Variants in CPNE9 observed in about 807,000 individuals in gnomAD.
CPNE9 encodes copine-9.
In CPNE9, 59 loss-of-function variants were observed where a neutral mutation model predicts 83.0. The observed-to-expected ratio is 0.71, with a 90% CI of 0.58 to 0.88. CPNE9 has a LOEUF of 0.88. Among genes scored for constraint, CPNE9 ranks in the 40% least tolerant of loss-of-function variants. The pLI, the probability that CPNE9 is intolerant of heterozygous loss-of-function variation, is 0.00. For synonymous variants in CPNE9, 256 were observed against 273.4 expected (o/e 0.94, Z 0.63); for missense variants, 619 against 720.8 (o/e 0.86, Z 1.62).
rs778431082 is a variant in CPNE9, at chr3:9,727,180, C to A, written c.1470C>A (p.Ile490=). The A allele has an allele frequency of 7.4e-6, 12 of 1,614,092 alleles. No individual in the cohort carries two copies. The highest frequency in any genetic ancestry group is 3.4e-6 in the Non-Finnish European group (4 of 1,180,028). ...GGGGACGCTACGCAGAGCGGGACAT[C>A]GTTCAGGTAGACCTGACGTGGGAGA... ...SSRGRYAERD[I]VQFVPFRDYV... is the part of the protein sequence containing the mutation. The change falls in exon 20 of 21, where the codon ATC becomes ATA. Residue 490 remains isoleucine (I), a synonymous_variant. Transcript: ENST00000383832.
chr3:9,716,587 C>T (rs916548783), intron 14 of CPNE9, among the ~76,000 whole-genome samples: 4 of 152,144 alleles, frequency 2.6e-5, no homozygotes, highest in African/African-American at 4.8e-5. Flanking sequence ...TCTCCTGCCT[C>T]AGCCTCCCAA....
At chr3:9,711,209 A>G (rs1235777422) in intron 7 of CPNE9, among the ~76,000 whole-genome samples, 1 of 151,910 alleles carries the variant, frequency 6.6e-6, no homozygotes, top group Non-Finnish European at 1.5e-5. Flanking sequence ...CGAATTATTT[A>G]TTTATTTTTT....
intron 7 of CPNE9, among the ~76,000 whole-genome samples, chr3:9,709,092 A>G (rs1303984514): frequency 1.3e-5 from 2 of 150,600 alleles, no homozygotes; most frequent in African/African-American, 2.4e-5. Flanking sequence ...TGGCCAAAAT[A>G]GTGAAATCCC....
At chr3:9,729,333 A>G (rs954977607) in intron 20 of CPNE9, among the ~76,000 whole-genome samples, 174 bp from the exon 21 acceptor site, 18 of 152,078 alleles carry the variant, frequency 1.2e-4, no homozygotes, top group African/African-American at 4.3e-4. Context: ...TAAAAGGTGG[A>G]AAAAAAAGTG....
intron 14 of CPNE9, among the ~76,000 whole-genome samples, chr3:9,716,595 C>G (rs1430830841): frequency 2.6e-5 from 4 of 152,112 alleles, no homozygotes; most frequent in Non-Finnish European, 5.9e-5. Flanking sequence ...CTCAGCCTCC[C>G]AAGTAGCTGG....
At chr3:9,726,491 G>C (rs1178903444) in intron 18 of CPNE9, among the ~76,000 whole-genome samples, 174 bp from the exon 19 acceptor site, 4 of 152,070 alleles carry the variant, frequency 2.6e-5, no homozygotes, top group Non-Finnish European at 5.9e-5. Context: ...ATCTTTCAAG[G>C]CTGCTTGATA....
chr3:9,704,212 T>A lies in CPNE9; in HGVS notation c.68+148T>A. ...AGCTGATGACAGGGCGAGTAGCTGG[T>A]GGGATCGAGAAGCGGGGGGTCTTGG... On this transcript the variant is annotated intron_variant, in intron 1 of 20. Coordinates refer to ENST00000383832, the MANE Select transcript of CPNE9 (RefSeq NM_153635.3). This position sits in a 1 kb window ranked among gnomAD's most constrained non-coding sequence, Gnocchi z 7.1. The A allele has an allele frequency of 1.3e-6, 1 of 785,950 alleles. No homozygotes were observed. Among genetic ancestry groups the A allele is most frequent in the Non-Finnish European group, 2.0e-6 (1 of 498,922 alleles). The allele number at this position is 785,950 out of a possible 1,614,324, so 48.7% of individuals were successfully genotyped here.
intron 10 of CPNE9, 55 bp from the exon 11 acceptor site, chr3:9,714,859 G>A (rs988189613): frequency 1.2e-5 from 18 of 1,443,328 alleles, no homozygotes; most frequent in Non-Finnish European, 1.6e-5. Flanking sequence ...GTGTATGAGG[G>A]TGTCTCTGGG....
At chr3:9,706,095 G>C (rs2076561509) in intron 7 of CPNE9, 32 bp downstream of exon 7, 2 of 1,603,832 alleles carry the variant, frequency 1.2e-6, no homozygotes, top group Admixed American at 1.7e-5. Flanking sequence ...GTGGGAGTGG[G>C]GTGGGGGCTT....
chr3:9,706,252 GTCTTT>G (rs1441404764), intron 7 of CPNE9, among the ~76,000 whole-genome samples, 189 bp downstream of exon 7: 13 of 151,132 alleles, frequency 8.6e-5, no homozygotes, highest in East Asian at 1.9e-4. Flanking sequence ...GGCCTGATAT[GTCTTT>G]TCTTTTCTTT....
intron 17 of CPNE9, among the ~76,000 whole-genome samples, chr3:9,723,823 C>T (rs1030361583): frequency 5.3e-5 from 8 of 152,194 alleles, no homozygotes; most frequent in Non-Finnish European, 2.9e-5. Context: ...GGATTACAGG[C>T]GTGAGCCACC....
rs780073867 is a variant in CPNE9 at position 9,703,965 on chromosome 3, A to C, written c.-32A>C. On this transcript the variant is annotated 5_prime_UTR_variant, in exon 1 of 21. Transcript: ENST00000383832. ...CTAGCCCCAGCAGCCCTGGTCTCGC[A>C]GCCTCCTGCGGCTCTGGTCGCCCGA... 1 of 1,574,666 alleles carries C rather than the reference A, an allele frequency of 6.4e-7. No individual in the cohort carries two copies.
intron 13 of CPNE9, among the ~76,000 whole-genome samples, 195 bp from the exon 14 acceptor site, chr3:9,715,779 G>T (rs936686874): frequency 6.6e-5 from 10 of 152,112 alleles, no homozygotes; most frequent in African/African-American, 2.4e-4. Context: ...TATACTTTTG[G>T]AAATCCAACG....
intron 20 of CPNE9, among the ~76,000 whole-genome samples, chr3:9,728,492 G>A (rs1431860619): frequency 1.3e-5 from 2 of 151,624 alleles, no homozygotes; most frequent in Non-Finnish European, 2.9e-5. Flanking sequence ...GTGTGGTGGT[G>A]CATGTCTGTA....
chr3:9,712,404 C>A, intron 7 of CPNE9, 137 bp from the exon 8 acceptor site: 2 of 734,738 alleles, frequency 2.7e-6, no homozygotes, highest in Admixed American at 3.9e-5. Context: ...CCCTTCCTCA[C>A]CAGAAGGCAC....
At chr3:9,712,687 A>C in intron 8 of CPNE9, 38 bp from the exon 9 acceptor site, 4 of 1,608,556 alleles carry the variant, frequency 2.5e-6, no homozygotes, top group Non-Finnish European at 3.4e-6. Context: ...GGCTATGGAC[A>C]ATTGGGGTGC....
intron 20 of CPNE9, among the ~76,000 whole-genome samples, chr3:9,728,662 T>C (rs781441133): frequency 3.3e-5 from 5 of 152,038 alleles, no homozygotes; most frequent in Non-Finnish European, 7.4e-5. Context: ...AAAACATAAT[T>C]TTTTGAAAAG....
intron 20 of CPNE9, among the ~76,000 whole-genome samples, chr3:9,728,713 CAG>C (rs1293470181): frequency 6.6e-6 from 1 of 152,074 alleles, no homozygotes; most frequent in Admixed American, 6.6e-5. Context: ...TCATTAGAAA[CAG>C]ATTTTCTTTT....
Position 9,704,390 on chromosome 3 carries a change from C to T in CPNE9, c.69-197C>T, listed in dbSNP as rs761390452. 9.2e-5 allele frequency among the ~76,000 whole-genome samples: 14 copies of T among 152,176 alleles called. No homozygotes were observed. The highest frequency in any genetic ancestry group is 3.2e-3 in the Middle Eastern group (1 of 316). On this transcript the variant is annotated intron_variant, in intron 1 of 20. Coordinates refer to ENST00000383832, the MANE Select transcript of CPNE9 (RefSeq NM_153635.3). This position sits in a 1 kb window ranked among gnomAD's most constrained non-coding sequence, Gnocchi z 7.1. The stretch of plus-strand genomic sequence containing the variant: ...AGTGTGGGTGCGTTCGCGTCCAGTC[C>T]GCAGAGCCATGGTTCCTGGACAGCG...
Sources: gnomAD v4.1 joint callset for allele counts (sites outside exome capture counted in the v4.1 genomes callset) on GRCh38, gnomAD v4.1.1 for gene constraint, Gnocchi (gnomAD v3.1) non-coding constraint, MANE v1.5 for transcripts, NCBI Gene and HGNC (gene_info 2026-07-23, HGNC 2026-07-21) for gene names.